The following PTPRD variants were observed in gnomAD, a reference collection of about 807,000 sequenced individuals.
PTPRD encodes the protein protein tyrosine phosphatase receptor type D, also known as receptor-type tyrosine-protein phosphatase delta.
A neutral mutation model predicts 214.5 loss-of-function variants in PTPRD; 34 were observed. The ratio of observed to expected loss-of-function variants is 0.16; its 90% CI spans 0.12 to 0.21. PTPRD has a LOEUF of 0.21. Ranked by LOEUF, PTPRD falls within the 10% of genes least tolerant of loss-of-function variation. PTPRD has a pLI of 1.00. For synonymous variants in PTPRD, 1,128 were observed against 845.7 expected, an observed-to-expected ratio of 1.33 and a Z score of -5.79; for missense variants, 2,545 against 2,398.7, an observed-to-expected ratio of 1.06 and a Z score of -1.27.
chr9:9,043,045 G>A (rs2099646847), intron 10 of PTPRD, among the ~76,000 whole-genome samples: 1 of 151,986 alleles, frequency 6.6e-6, no homozygotes, highest in African/African-American at 2.4e-5. Context: ...TTTAAAACTT[G>A]GTTCTTTATA....
intron 7 of PTPRD, among the ~76,000 whole-genome samples, chr9:9,732,748 T>A (rs990379456): frequency 6.6e-6 from 1 of 152,060 alleles, no homozygotes; most frequent in Admixed American, 6.6e-5. Flanking sequence ...ATTCTCATTT[T>A]GCGGCTAAAT....
intron 6 of PTPRD, 30 bp from the exon 7 acceptor site, chr9:9,734,601 G>A (rs1180320407): frequency 6.6e-6 from 1 of 151,986 alleles, no homozygotes; most frequent in Non-Finnish European, 1.5e-5. Context: ...AGGAAAGACA[G>A]AAAATAAGAG....
intron 8 of PTPRD, among the ~76,000 whole-genome samples, chr9:9,522,088 C>T (rs964142789): frequency 2.3e-5 from 3 of 131,948 alleles, no homozygotes; most frequent in Non-Finnish European, 4.6e-5. Context: ...AACTGGGAGG[C>T]GGAGGTTGTG....
intron 2 of PTPRD, among the ~76,000 whole-genome samples, chr9:10,551,236 G>A (rs1590708894): frequency 6.6e-6 from 1 of 152,148 alleles, no homozygotes; most frequent in East Asian, 1.9e-4. Flanking sequence ...CTACTTGGAA[G>A]GCTGAGGCAG....
chr9:10,096,640 C>T (rs2098489243), intron 3 of PTPRD, among the ~76,000 whole-genome samples: 1 of 151,844 alleles, frequency 6.6e-6, no homozygotes, highest in Non-Finnish European at 1.5e-5. Flanking sequence ...TGGATATTAG[C>T]CCTTTGTCAG....
At chr9:8,388,992 T>C (rs1329561404) in intron 37 of PTPRD, among the ~76,000 whole-genome samples, 1 of 151,570 alleles carries the variant, frequency 6.6e-6, no homozygotes, top group Non-Finnish European at 1.5e-5. Context: ...CTTTTTTTTT[T>C]TTTTTTTTTT....
intron 4 of PTPRD, among the ~76,000 whole-genome samples, chr9:10,012,792 C>T (rs953386537): frequency 1.3e-5 from 2 of 151,856 alleles, no homozygotes; most frequent in African/African-American, 4.8e-5. Context: ...AAGGACCAAA[C>T]TGCTTGCATA....
intron 8 of PTPRD, among the ~76,000 whole-genome samples, chr9:9,509,279 C>T (rs191899347): frequency 5.9e-5 from 9 of 151,272 alleles, no homozygotes; most frequent in Admixed American, 2.0e-4. Flanking sequence ...TTTTTGGTAA[C>T]GGAAACTGAT....
intron 7 of PTPRD, among the ~76,000 whole-genome samples, chr9:9,683,904 A>T (rs1337796292): frequency 6.6e-6 from 1 of 151,722 alleles, no homozygotes; most frequent in Non-Finnish European, 1.5e-5. Flanking sequence ...ATTTTATAGT[A>T]ATTATATGAC....
At chr9:9,248,996 T>C (rs972092608) in intron 9 of PTPRD, among the ~76,000 whole-genome samples, 4 of 152,046 alleles carry the variant, frequency 2.6e-5, no homozygotes, top group African/African-American at 7.2e-5. Context: ...GCAAGTGATA[T>C]AGTTTGGATA....
At chr9:9,487,264 A>T (rs973877537) in intron 8 of PTPRD, among the ~76,000 whole-genome samples, 1 of 151,346 alleles carries the variant, frequency 6.6e-6, no homozygotes, top group African/African-American at 2.4e-5. Context: ...CCTGTGTCCA[A>T]GTGTTCTCAT....
rs1481211382 is a variant in PTPRD at position 10,060,852 on chromosome 9, T to TC, written c.-544-27063dup. ...TCTTCCTTCCTTCCTTCCTTTCCTT[T>TC]CTTTCTTCCTTCCTTCTTTCCTTCC... On this transcript the variant is annotated intron_variant, in intron 3 of 45. Transcript: ENST00000381196. Among the ~76,000 whole-genome samples, 199 of 114,024 alleles carry TC rather than the reference T, an allele frequency of 1.7e-3. 33 individuals carry two copies. Among genetic ancestry groups the TC allele is most frequent in the African/African-American group, 0.012 (176 of 15,028 alleles). 74.8% of individuals were successfully genotyped at this position (114,024 alleles called of 152,430 possible).
chr9:9,372,388 G>C (rs1428555630), intron 9 of PTPRD, among the ~76,000 whole-genome samples: 2 of 151,988 alleles, frequency 1.3e-5, no homozygotes, highest in Non-Finnish European at 2.9e-5. Flanking sequence ...TGTCTCTTTT[G>C]ATCTTTGTTG....
chr9:10,050,108 G>C (rs1255201660), intron 3 of PTPRD, among the ~76,000 whole-genome samples: 1 of 152,048 alleles, frequency 6.6e-6, no homozygotes, highest in South Asian at 2.1e-4. Flanking sequence ...TCGAATTAAA[G>C]GACCAATGGG....
chr9:8,891,082 G>A (rs1404784970), intron 11 of PTPRD, among the ~76,000 whole-genome samples: 1 of 151,188 alleles, frequency 6.6e-6, no homozygotes, highest in Non-Finnish European at 1.5e-5. Context: ...CCCTGTATTT[G>A]AACAGATGGG....
chr9:9,024,725 C>T (rs1186316977), intron 10 of PTPRD, among the ~76,000 whole-genome samples: 1 of 151,542 alleles, frequency 6.6e-6, no homozygotes, highest in African/African-American at 2.4e-5. Context: ...CTGAAATGCT[C>T]CTTCATGTAT....
chr9:9,298,851 T>C (rs1954138185), intron 9 of PTPRD, among the ~76,000 whole-genome samples: 1 of 151,820 alleles, frequency 6.6e-6, no homozygotes, highest in Non-Finnish European at 1.5e-5. Flanking sequence ...TTATAAAATA[T>C]GATTATACCA....
rs201457063 is a variant in PTPRD, at chr9:10,017,163, G to A, written c.-472+16555C>T. ...TAATATGCCCAATGTTTTTAGTTTT[G>A]ACAGTCTGGTGGACATCGAATATTA... On this transcript the variant is annotated intron_variant, in intron 4 of 45. Coordinates refer to ENST00000381196, the MANE Select transcript of PTPRD (RefSeq NM_002839.4). 2.6e-5 allele frequency among the ~76,000 whole-genome samples: 4 copies of A among 152,104 alleles called. No individual in the cohort carries two copies. The East Asian group carries it at 7.7e-4, about 29-fold the overall frequency.
chr9:10,526,705 C>A, intron 2 of PTPRD, among the ~76,000 whole-genome samples: 1 of 152,036 alleles, frequency 6.6e-6, no homozygotes, highest in South Asian at 2.1e-4. Context: ...AATTTTAAAA[C>A]AATTTCTTCC....
Sources: allele counts gnomAD v4.1 joint callset (sites outside exome capture counted in the v4.1 genomes callset), GRCh38; gene constraint gnomAD v4.1.1; transcripts MANE v1.5; gene names NCBI Gene and HGNC (gene_info 2026-07-23, HGNC 2026-07-21).